EFR3B: variants seen among roughly 807,000 people sequenced by gnomAD.
EFR3B encodes the protein protein EFR3 homolog B.
Under a neutral mutation model 104.7 loss-of-function variants are expected in EFR3B, and 64 were observed. The observed-to-expected ratio is 0.61, with a 90% CI of 0.50 to 0.75. EFR3B has a LOEUF of 0.75. Ranked by LOEUF, EFR3B falls within the 30% of genes least tolerant of loss-of-function variation. EFR3B has a pLI of 0.00. For synonymous variants in EFR3B, 385 were observed against 417.9 expected, an observed-to-expected ratio of 0.92 and a Z score of 0.96; for missense variants, 750 against 1,078.5, an observed-to-expected ratio of 0.70 and a Z score of 4.27.
intron 1 of EFR3B, among the ~76,000 whole-genome samples, chr2:25,059,064 G>A (rs559560981): frequency 1.1e-4 from 16 of 151,784 alleles, no homozygotes; most frequent in Non-Finnish European, 1.9e-4. Flanking sequence ...ACAGACAAAC[G>A]GATAAACAAA....
Position 25,144,985 on chromosome 2 carries a change from G to A in EFR3B, c.2076G>A (p.Arg692=). 6.4e-7 allele frequency: 1 copy of A among 1,551,724 alleles called. No homozygotes were observed. The highest frequency in any genetic ancestry group is 8.7e-7 in the Non-Finnish European group (1 of 1,147,000). ...ATGAGGATCGTTTATCCAAGAGGAG[G>A]AGCATTGGAGAGACCATCTCCCTGC... is the stretch of plus-strand genomic sequence containing the variant. ...LTDEDRLSKR[R]SIGETISLQV... Residue 692 remains arginine (R), a synonymous_variant, in exon 19 of 23, where the codon AGG becomes AGA. Transcript: ENST00000403714.
rs1669818256 is a variant in EFR3B at position 25,114,932 on chromosome 2, TC to T, written c.364-6738del. Among the ~76,000 whole-genome samples, 1 of 152,138 alleles carries T rather than the reference TC, an allele frequency of 6.6e-6. No individual in the cohort carries two copies. The highest frequency in any genetic ancestry group is 1.5e-5 in the Non-Finnish European group (1 of 68,026). On this transcript the variant is annotated intron_variant, in intron 4 of 22. Transcript: ENST00000403714. The surrounding 1 kb of genome is among the most constrained non-coding windows in gnomAD (Gnocchi z 4.0). ...CGGGCGCAGTGGCTGACGCCTGTAA[TC>T]CCAGCACTTTGGGAAGCCAAGCTGG...
Position 25,139,039 on chromosome 2 carries a change from C to G in EFR3B, c.1723-20C>G, listed in dbSNP as rs748641229. ...GTCTGTCAGTGAAAAACTCCGGAGGCCTTGTCTATGTTGCCGCAGGACGTG... is the reference window on the plus strand; with the variant it reads ...GTCTGTCAGTGAAAAACTCCGGAGGGCTTGTCTATGTTGCCGCAGGACGTG... On this transcript the variant is annotated intron_variant, in intron 15 of 22. Transcript: ENST00000403714. 1.1e-5 allele frequency: 17 copies of G among 1,551,402 alleles called. No homozygotes were observed. The highest frequency in any genetic ancestry group is 1.5e-5 in the Non-Finnish European group (17 of 1,146,890).
At chr2:25,128,540 C>T (rs1286023744) in intron 6 of EFR3B, among the ~76,000 whole-genome samples, 3 of 152,118 alleles carry the variant, frequency 2.0e-5, no homozygotes, top group South Asian at 2.1e-4. Context: ...TTAACATGTG[C>T]GTTACCGAAG....
chr2:25,133,411 A>G lies in EFR3B; in HGVS notation c.1288A>G (p.Met430Val). ...GENRNRLTQI[M>V]LLKSLLQVST... Reference sequence around the variant, plus strand: ...GAATAGGAACCGTCTGACCCAGATTATGCTGCTAAAATCCCTCCTGCAGGT... The same window carrying G: ...GAATAGGAACCGTCTGACCCAGATTGTGCTGCTAAAATCCCTCCTGCAGGT... The change falls in exon 12 of 23, where the codon ATG (methionine) becomes GTG (valine). Residue 430 changes from methionine (M) to valine (V), a missense_variant. Met to Val is a conservative substitution (Grantham distance 21, BLOSUM62 1). Transcript: ENST00000403714. The G allele has an allele frequency of 4.5e-6, 7 of 1,552,366 alleles. No homozygotes were observed. The highest frequency in any genetic ancestry group is 6.1e-6 in the Non-Finnish European group (7 of 1,147,140).
intron 1 of EFR3B, among the ~76,000 whole-genome samples, chr2:25,069,019 C>T (rs561122373): frequency 4.0e-5 from 6 of 151,442 alleles, no homozygotes; most frequent in Non-Finnish European, 7.4e-5. Context: ...CTGCAACCTC[C>T]GCCTCCCGGA....
At position 25,130,178 on chromosome 2, in the gene EFR3B, C is replaced by A; in HGVS notation, c.770+69C>A. ...GATGTGTTTCAGGTCCCTGGCATCT[C>A]CTGGCTGGCTGGGGGGAAGGGGATA... On this transcript the variant is annotated intron_variant, in intron 7 of 22. Transcript: ENST00000403714. This position sits in a 1 kb window ranked among gnomAD's most constrained non-coding sequence, Gnocchi z 4.6. The A allele has an allele frequency of 6.5e-7, 1 of 1,543,154 alleles. No individual in the cohort carries two copies. Among genetic ancestry groups the A allele is most frequent in the East Asian group, 2.5e-5 (1 of 40,764 alleles).
chr2:25,081,710 C>T (rs1668813035), intron 1 of EFR3B: 1 of 507,262 alleles, frequency 2.0e-6, no homozygotes, highest in African/African-American at 2.0e-5. Flanking sequence ...GACCCATTCC[C>T]TTGGTACCGC....
intron 3 of EFR3B, among the ~76,000 whole-genome samples, chr2:25,096,410 C>T (rs539293315): frequency 4.6e-5 from 7 of 152,196 alleles, no homozygotes; most frequent in African/African-American, 7.2e-5. Flanking sequence ...TGGCAGTAGC[C>T]TTGGACATAG....
At chr2:25,115,219 C>T (rs1052386332) in intron 4 of EFR3B, among the ~76,000 whole-genome samples, 1 of 152,114 alleles carries the variant, frequency 6.6e-6, no homozygotes, top group East Asian at 1.9e-4. Context: ...GATACCTAAG[C>T]CCAACCCCTA....
intron 1 of EFR3B, chr2:25,080,638 C>T: frequency 1.7e-6 from 1 of 601,524 alleles, no homozygotes; most frequent in Non-Finnish European, 3.0e-6. Flanking sequence ...CAAACCAGCA[C>T]CATTTACTAG....
intron 1 of EFR3B, among the ~76,000 whole-genome samples, chr2:25,049,786 G>T (rs1207224990): frequency 6.6e-6 from 1 of 151,940 alleles, no homozygotes; most frequent in Non-Finnish European, 1.5e-5. Context: ...AGCTGCCTGG[G>T]TTTGAGCAGA....
In EFR3B at chr2:25,131,665, C is replaced by T. The variant is rs1219868852; in HGVS notation, c.986-85C>T. 1.3e-6 allele frequency: 2 copies of T among 1,482,990 alleles called. No homozygotes were observed. The highest frequency in any genetic ancestry group is 1.4e-5 in the African/African-American group (1 of 71,362). 91.9% of individuals were successfully genotyped at this position (1,482,990 alleles called of 1,614,324 possible). On this transcript the variant is annotated intron_variant, in intron 9 of 22. Transcript: ENST00000403714. This position sits in a 1 kb window ranked among gnomAD's most constrained non-coding sequence, Gnocchi z 7.6. The stretch of plus-strand genomic sequence containing the variant: ...AGAGGAAGCCCAGGCTGGAAGGGGG[C>T]GTGACCCTGCCCTGCCTGCGCGCGG...
rs78815950 is a variant in EFR3B, at chr2:25,071,818, G to C, written c.8-19507G>C. Among the ~76,000 whole-genome samples the C allele has an allele frequency of 5.3e-3, 809 of 152,302 alleles. 7 individuals carry two copies. The highest frequency in any genetic ancestry group is 0.019 in the African/African-American group (776 of 41,574). The stretch of plus-strand genomic sequence containing the variant: ...GCTAAGCTCCACTCAGAGTTCCTTT[G>C]TTTACAAACATCCTGGTGAAGTGTG... On this transcript the variant is annotated intron_variant, in intron 1 of 22. Coordinates refer to ENST00000403714, the MANE Select transcript of EFR3B (RefSeq NM_014971.2).
chr2:25,128,367 T>C (rs776973621), intron 6 of EFR3B, 35 bp downstream of exon 6: 1 of 1,550,570 alleles, frequency 6.4e-7, no homozygotes, highest in Non-Finnish European at 8.7e-7. Context: ...ACAGTAGATA[T>C]AATCAACCCT....
chr2:25,052,008 C>A (rs1247660133), intron 1 of EFR3B, among the ~76,000 whole-genome samples: 1 of 150,352 alleles, frequency 6.7e-6, no homozygotes, highest in African/African-American at 2.4e-5. Flanking sequence ...CCAACCTGGC[C>A]AAAATGGTGA....
At chr2:25,128,116 A>G (rs1017723531) in intron 5 of EFR3B, 67 bp from the exon 6 acceptor site, 3 of 1,530,158 alleles carry the variant, frequency 2.0e-6, no homozygotes, top group Non-Finnish European at 2.6e-6. Context: ...CTCTTCTCTT[A>G]GCCACCGAAG....
At chr2:25,081,657 CAACAGCTGGCTGTAG>C in intron 1 of EFR3B, 1 of 604,236 alleles carries the variant, frequency 1.7e-6, no homozygotes, top group East Asian at 2.8e-5. Flanking sequence ...TAGCTGCGGC[CAACAGCTGGCTGTAG>C]AACATGGAGG....
chr2:25,079,068 G>A (rs926046547), intron 1 of EFR3B, among the ~76,000 whole-genome samples: 8 of 152,296 alleles, frequency 5.3e-5, no homozygotes, highest in African/African-American at 1.9e-4. Context: ...CCCTACAGTG[G>A]AGGAAGGACT....
Sources: gnomAD v4.1 joint callset for allele counts (sites outside exome capture counted in the v4.1 genomes callset) on GRCh38, gnomAD v4.1.1 for gene constraint, Gnocchi (gnomAD v3.1) non-coding constraint, MANE v1.5 for transcripts, NCBI Gene and HGNC (gene_info 2026-07-23, HGNC 2026-07-21) for gene names.